FUCA2: variants seen among roughly 807,000 people sequenced by gnomAD.
The protein encoded by FUCA2 is alpha-L-fucosidase 2, also known as plasma alpha-L-fucosidase.
A neutral mutation model predicts 52.6 loss-of-function variants in FUCA2; 41 were observed. That is an observed-to-expected ratio of 0.78 (90% CI 0.61 to 1.01). FUCA2 has a LOEUF of 1.01. FUCA2 is among the 50% of genes least tolerant of loss of function. FUCA2 has a pLI of 0.00. For missense variants in FUCA2, 507 were observed against 569.5 expected (o/e 0.89, Z 1.12); for synonymous variants, 211 against 217.3 (o/e 0.97, Z 0.26).
At chr6:143,498,133 G>A (rs1362297415) in intron 5 of FUCA2, among the ~76,000 whole-genome samples, 4 of 151,716 alleles carry the variant, frequency 2.6e-5, no homozygotes, top group Admixed American at 1.3e-4. Context: ...AAGGATGAAT[G>A]GGAGCAAAGA....
At position 143,511,246 on chromosome 6, in the gene FUCA2, A is replaced by G. The variant is rs757735055; in HGVS notation, c.224+165T>C. On this transcript the variant is annotated intron_variant, in intron 1 of 6. Coordinates refer to ENST00000002165, the MANE Select transcript of FUCA2 (RefSeq NM_032020.5). This position sits in a 1 kb window ranked among gnomAD's most constrained non-coding sequence, Gnocchi z 6.3. ...AGCAGAAGCACTTAGGCAGGAAACC[A>G]CATATTCGACACCCGGAAGTGCGAA... Among the ~76,000 whole-genome samples, 13 of 152,194 alleles carry G rather than the reference A, an allele frequency of 8.5e-5. No individual in the cohort carries two copies. Among genetic ancestry groups the G allele is most frequent in the Non-Finnish European group, 1.6e-4 (11 of 68,036 alleles).
At position 143,502,404 on chromosome 6, in the gene FUCA2, C is replaced by CT. The variant is rs770509613; in HGVS notation, c.913dup (p.Arg305LysfsTer8). The CT allele has an allele frequency of 9.6e-5, 155 of 1,613,960 alleles. 1 individual carries two copies. The highest frequency in any genetic ancestry group is 1.2e-4 in the Non-Finnish European group (140 of 1,179,994). Reference sequence around the variant, plus strand: ...ATAGTCAGAGATTCCAGCTTCCCTCCTATAGCCCCAGGACAGTTTGTCTAT... The same window carrying CT: ...ATAGTCAGAGATTCCAGCTTCCCTCCTTATAGCCCCAGGACAGTTTGTCTAT... On this transcript the variant is annotated frameshift_variant, in exon 4 of 7. Coordinates refer to ENST00000002165, the MANE Select transcript of FUCA2 (RefSeq NM_032020.5). LOFTEE classifies it high-confidence loss of function. The surrounding 1 kb of genome is among the most constrained non-coding windows in gnomAD (Gnocchi z 4.1).
chr6:143,496,952 T>C (rs535286987), intron 6 of FUCA2: 8 of 152,878 alleles, frequency 5.2e-5, no homozygotes, highest in African/African-American at 1.9e-4. Flanking sequence ...GACCAAACAC[T>C]GTCATTGGTG....
Position 143,502,678 on chromosome 6 carries a change from A to AT in FUCA2, c.753-114dup. On this transcript the variant is annotated intron_variant, in intron 3 of 6. Transcript: ENST00000002165. The surrounding 1 kb of genome is among the most constrained non-coding windows in gnomAD (Gnocchi z 4.1). ...TACAATTCTGAAAAGGGACCATGGC[A>AT]TAGTACAGTGGAAAGCCCATGGTTT... 3.4e-6 allele frequency: 3 copies of AT among 888,424 alleles called. No individual in the cohort carries two copies. The highest frequency in any genetic ancestry group is 5.1e-6 in the Non-Finnish European group (3 of 588,810). 55.0% of individuals were successfully genotyped at this position (888,424 alleles called of 1,614,324 possible).
At position 143,499,037 on chromosome 6, in the gene FUCA2, G is replaced by A. The variant is rs757788006; in HGVS notation, c.1155-1540C>T. Among the ~76,000 whole-genome samples, 21 of 152,154 alleles carry A rather than the reference G, an allele frequency of 1.4e-4. No homozygotes were observed. Among genetic ancestry groups the A allele is most frequent in the Non-Finnish European group, 2.4e-4 (16 of 68,030 alleles). ...CAACCACCTAAAGGATGAAGCTGCC[G>A]TTAACTGAGATGGGAAAGACCATGG... is the stretch of plus-strand genomic sequence containing the variant. On this transcript the variant is annotated intron_variant, in intron 5 of 6. Transcript: ENST00000002165. The surrounding 1 kb of genome is among the most constrained non-coding windows in gnomAD (Gnocchi z 6.0).
At chr6:143,508,765 T>C (rs1459723722) in intron 1 of FUCA2, among the ~76,000 whole-genome samples, 1 of 152,266 alleles carries the variant, frequency 6.6e-6, no homozygotes, top group Non-Finnish European at 1.5e-5. Context: ...AGCCCGTGTC[T>C]TTGATTTCAT....
At position 143,503,293 on chromosome 6, in the gene FUCA2, T is replaced by G. The variant is rs1387139493; in HGVS notation, c.752+620A>C. ...AAGTGCAAGCAGAAGGTTGCCTGAC[T>G]TCGTAGCACAATACCCAGTGCTTTC... On this transcript the variant is annotated intron_variant, in intron 3 of 6. Transcript: ENST00000002165. This position sits in a 1 kb window ranked among gnomAD's most constrained non-coding sequence, Gnocchi z 4.8. 6.6e-6 allele frequency: 1 copy of G among 152,668 alleles called. No individual in the cohort carries two copies. The allele number at this position is 152,668 out of a possible 1,614,324, so 9.5% of individuals were successfully genotyped here.
Position 143,497,378 on chromosome 6 carries a change from T to C in FUCA2, c.1263+11A>G. 1 of 1,540,628 alleles carries C rather than the reference T, an allele frequency of 6.5e-7. No homozygotes were observed. The highest frequency in any genetic ancestry group is 9.0e-7 in the Non-Finnish European group (1 of 1,113,018). On this transcript the variant is annotated intron_variant, in intron 6 of 6. Transcript: ENST00000002165. The surrounding 1 kb of genome is among the most constrained non-coding windows in gnomAD (Gnocchi z 5.3). ...AGCAATTTAAAGGAATAAGGTAAAA[T>C]TCCCTCTTACCTCTGTTGCCCCCAG...
rs139023677 is a variant in FUCA2 at position 143,509,933 on chromosome 6, G to A, written c.224+1478C>T. On this transcript the variant is annotated intron_variant, in intron 1 of 6. Transcript: ENST00000002165. The surrounding 1 kb of genome is among the most constrained non-coding windows in gnomAD (Gnocchi z 5.4). Reference sequence around the variant, plus strand: ...CACATTTTTAAAGGTAAAGAAACTCGAAAAATAGCAGGTGCATGAAGAGCA... The same window carrying A: ...CACATTTTTAAAGGTAAAGAAACTCAAAAAATAGCAGGTGCATGAAGAGCA... Among the ~76,000 whole-genome samples, 153 of 152,238 alleles carry A rather than the reference G, an allele frequency of 1.0e-3. No homozygotes were observed. Among genetic ancestry groups the A allele is most frequent in the Non-Finnish European group, 1.6e-3 (108 of 68,002 alleles).
rs969518073 is a variant in FUCA2, at chr6:143,499,493, T to C, written c.1155-1996A>G. On this transcript the variant is annotated intron_variant, in intron 5 of 6. Transcript: ENST00000002165. This position sits in a 1 kb window ranked among gnomAD's most constrained non-coding sequence, Gnocchi z 6.0. The stretch of plus-strand genomic sequence containing the variant: ...ATCACTTGAACCTGGGAGGTGGAGG[T>C]TGCCGTGAGCCAAGATCGCACCAGT... 1.2e-4 allele frequency among the ~76,000 whole-genome samples: 19 copies of C among 152,048 alleles called. No individual in the cohort carries two copies. Among genetic ancestry groups the C allele is most frequent in the African/African-American group, 4.1e-4 (17 of 41,460 alleles).
chr6:143,495,826 G>A lies in FUCA2; in HGVS notation c.1285C>T (p.Gln429Ter). ...TCCAAAGAAATCCAGTTAAGTGGCT[G>A]TCCATGGCCCAGTAGTTTCACCTGA... Reference protein sequence around the residue: ...ATEVKLLGHGQPLNWISLEQN... With the variant: ...ATEVKLLGHG Residue 429 changes from glutamine (Q) to a stop codon, truncating the protein, a stop_gained, in exon 7 of 7, where the codon CAG (glutamine) becomes TAG (stop). Coordinates refer to ENST00000002165, the MANE Select transcript of FUCA2 (RefSeq NM_032020.5). LOFTEE classifies it low-confidence loss of function (END_TRUNC). This position sits in a 1 kb window ranked among gnomAD's most constrained non-coding sequence, Gnocchi z 5.2. The A allele has an allele frequency of 3.7e-6, 6 of 1,614,064 alleles. No individual in the cohort carries two copies. Among genetic ancestry groups the A allele is most frequent in the Non-Finnish European group, 5.1e-6 (6 of 1,179,956 alleles).
rs1158980150 is a variant in FUCA2 at position 143,510,568 on chromosome 6, G to A, written c.224+843C>T. On this transcript the variant is annotated intron_variant, in intron 1 of 6. Transcript: ENST00000002165. The surrounding 1 kb of genome is among the most constrained non-coding windows in gnomAD (Gnocchi z 4.4). The stretch of plus-strand genomic sequence containing the variant: ...GCGCGAGAATCGTTTGAACCCGGGC[G>A]GCGAAGGTTGCAGTGAGCCGAGATG... Among the ~76,000 whole-genome samples the A allele has an allele frequency of 6.6e-6, 1 of 151,740 alleles. No individual in the cohort carries two copies. The highest frequency in any genetic ancestry group is 2.1e-4 in the South Asian group (1 of 4,814).
chr6:143,511,342 T>A lies in FUCA2; in HGVS notation c.224+69A>T. On this transcript the variant is annotated intron_variant, in intron 1 of 6. Coordinates refer to ENST00000002165, the MANE Select transcript of FUCA2 (RefSeq NM_032020.5). The surrounding 1 kb of genome is among the most constrained non-coding windows in gnomAD (Gnocchi z 6.3). ...GCACCAGGCGGCGAACCAGGCCCGC[T>A]GGGTGGTGGCTGGAGGCTGCGGGTG... 2 of 1,432,042 alleles carry A rather than the reference T, an allele frequency of 1.4e-6. No individual in the cohort carries two copies. The highest frequency in any genetic ancestry group is 1.9e-6 in the Non-Finnish European group (2 of 1,056,408). The allele number at this position is 1,432,042 out of a possible 1,614,324, so 88.7% of individuals were successfully genotyped here. A position where few individuals can be genotyped will look rare whatever the true frequency, so the allele number is the denominator to read the frequency against.
rs760074879 is a variant in FUCA2, at chr6:143,502,151, TAAATA to T, written c.964-34_964-30del. 27 of 1,517,426 alleles carry T rather than the reference TAAATA, an allele frequency of 1.8e-5. No individual in the cohort carries two copies. In the South Asian group the frequency reaches 3.2e-4, roughly 18 times the overall value. 94.0% of individuals were successfully genotyped at this position (1,517,426 alleles called of 1,614,324 possible). On this transcript the variant is annotated intron_variant, in intron 4 of 6. Coordinates refer to ENST00000002165, the MANE Select transcript of FUCA2 (RefSeq NM_032020.5). The surrounding 1 kb of genome is among the most constrained non-coding windows in gnomAD (Gnocchi z 4.1). ...AAAAATTAAGAATAATGTTTTTAGA[TAAATA>T]AAATAATTCCATCTTTAATGTGCTA...
intron 6 of FUCA2, chr6:143,496,801 T>A (rs1244916250): frequency 1.3e-5 from 2 of 152,174 alleles, no homozygotes; most frequent in East Asian, 3.8e-4. Flanking sequence ...ATGAGAAGAA[T>A]CATTTTGGAT....
chr6:143,508,552 A>G (rs1284824023), intron 1 of FUCA2, among the ~76,000 whole-genome samples: 7 of 152,242 alleles, frequency 4.6e-5, no homozygotes, highest in Non-Finnish European at 8.8e-5. Flanking sequence ...CTTCCACTAC[A>G]GCTGCGACAG....
Position 143,511,623 on chromosome 6 carries a change from C to CT in FUCA2, c.11dup (p.Glu5GlyfsTer47). On this transcript the variant is annotated frameshift_variant, in exon 1 of 7. Transcript: ENST00000002165. LOFTEE classifies it high-confidence loss of function. This position sits in a 1 kb window ranked among gnomAD's most constrained non-coding sequence, Gnocchi z 6.3. ...ACGGGAACGCGAGCCTGGGGAGCTC[C>CT]TGGGGCCGCATGTCCCGGCGCAGGC... The CT allele has an allele frequency of 6.5e-7, 1 of 1,527,912 alleles. No homozygotes were observed. Among genetic ancestry groups the CT allele is most frequent in the East Asian group, 2.5e-5 (1 of 40,186 alleles). The allele number at this position is 1,527,912 out of a possible 1,614,324, so 94.6% of individuals were successfully genotyped here. A position where few individuals can be genotyped will look rare whatever the true frequency, so the allele number is the denominator to read the frequency against.
Position 143,509,897 on chromosome 6 carries a change from T to C in FUCA2, c.224+1514A>G, listed in dbSNP as rs748963605. Among the ~76,000 whole-genome samples, 1 of 152,352 alleles carries C rather than the reference T, an allele frequency of 6.6e-6. No individual in the cohort carries two copies. On this transcript the variant is annotated intron_variant, in intron 1 of 6. Coordinates refer to ENST00000002165, the MANE Select transcript of FUCA2 (RefSeq NM_032020.5). This position sits in a 1 kb window ranked among gnomAD's most constrained non-coding sequence, Gnocchi z 5.4. ...TCTTTGTCATGAAAGGGTTAAAATATGCTATTTTGGCACATTTTTAAAGGT... is the reference window on the plus strand; with the variant it reads ...TCTTTGTCATGAAAGGGTTAAAATACGCTATTTTGGCACATTTTTAAAGGT...
In FUCA2 at chr6:143,507,486, T is replaced by C. The variant is rs1323257922; in HGVS notation, c.225-62A>G. The C allele has an allele frequency of 2.5e-6, 3 of 1,197,432 alleles. No individual in the cohort carries two copies. The highest frequency in any genetic ancestry group is 3.5e-6 in the Non-Finnish European group (3 of 866,972). 74.2% of individuals were successfully genotyped at this position (1,197,432 alleles called of 1,614,324 possible). A position where few individuals can be genotyped will look rare whatever the true frequency, so the allele number is the denominator to read the frequency against. The stretch of plus-strand genomic sequence containing the variant: ...ATACACACATATTTAAAAGAACTGC[T>C]CCAGCTCCCCTTACCATTTACCCCT... On this transcript the variant is annotated intron_variant, in intron 1 of 6. Transcript: ENST00000002165. The surrounding 1 kb of genome is among the most constrained non-coding windows in gnomAD (Gnocchi z 4.5).
Sources: allele counts gnomAD v4.1 joint callset (sites outside exome capture counted in the v4.1 genomes callset), GRCh38; gene constraint gnomAD v4.1.1; non-coding constraint Gnocchi (gnomAD v3.1); transcripts MANE v1.5; gene names NCBI Gene and HGNC (gene_info 2026-07-23, HGNC 2026-07-21).